The following NR2F1-AS1 variants were observed in gnomAD, a reference collection of about 807,000 sequenced individuals.
The protein encoded by NR2F1-AS1 is NR2F1 antisense RNA 1.
chr5:93,477,612 T>C (rs1750512395), intron 4 of NR2F1-AS1, among the ~76,000 whole-genome samples: 1 of 152,182 alleles, frequency 6.6e-6, no homozygotes, highest in Non-Finnish European at 1.5e-5. Context: ...TCTCTTCCAC[T>C]TTGCCACTTT....
rs562456690 is a variant in NR2F1-AS1 at position 93,507,340 on chromosome 5, G to A, written n.638+46421C>T. 1.6e-3 allele frequency among the ~76,000 whole-genome samples: 70 copies of A among 42,818 alleles called. 1 individual carries two copies. The highest frequency in any genetic ancestry group is 5.6e-3 in the Admixed American group (14 of 2,520). The allele number at this position is 42,818 out of a possible 152,430, so 28.1% of individuals were successfully genotyped here. A position where few individuals can be genotyped will look rare whatever the true frequency, so the allele number is the denominator to read the frequency against. ...TGGGATTTGGGGTTTTTTTTGTTTT[G>A]TTTTGTTTTGTTTTGTTTTGTTTTG... On this transcript the variant is annotated intron_variant and non_coding_transcript_variant, in intron 4 of 5. Transcript: ENST00000660523.
At chr5:93,479,614 A>G (rs1580261664) in intron 4 of NR2F1-AS1, among the ~76,000 whole-genome samples, 1 of 152,326 alleles carries the variant, frequency 6.6e-6, no homozygotes, top group East Asian at 1.9e-4. Flanking sequence ...AGTTCTCAAC[A>G]AAAAATTATG....
intron 1 of NR2F1-AS1, among the ~76,000 whole-genome samples, chr5:93,573,304 G>A (rs1020248571): frequency 6.6e-6 from 1 of 152,166 alleles, no homozygotes; most frequent in Admixed American, 6.5e-5. Flanking sequence ...ACCCCTTGTT[G>A]GTAAAGGCGA....
At chr5:93,483,309 T>A (rs1750641381) in intron 4 of NR2F1-AS1, among the ~76,000 whole-genome samples, 1 of 152,052 alleles carries the variant, frequency 6.6e-6, no homozygotes, top group Non-Finnish European at 1.5e-5. Context: ...GCAAACAGGG[T>A]CTGAAGCAGA....
intron 4 of NR2F1-AS1, among the ~76,000 whole-genome samples, chr5:93,471,358 T>C (rs1750360560): frequency 6.6e-6 from 1 of 151,864 alleles, no homozygotes. Context: ...TAAGGCAATA[T>C]TCAGAAATGC....
rs1432173826 is a variant in NR2F1-AS1 at position 93,505,762 on chromosome 5, G to A, written n.638+47999C>T. Reference sequence around the variant, plus strand: ...GGCTGCACACAGCATGGGGACCCTGGGCCTGGCCCCAAAACCACATTTTTC... The same window carrying A: ...GGCTGCACACAGCATGGGGACCCTGAGCCTGGCCCCAAAACCACATTTTTC... On this transcript the variant is annotated intron_variant and non_coding_transcript_variant, in intron 4 of 5. Coordinates refer to ENST00000660523, the Ensembl canonical transcript of NR2F1-AS1. Among the ~76,000 whole-genome samples, 5 of 152,156 alleles carry A rather than the reference G, an allele frequency of 3.3e-5. No homozygotes were observed. In the East Asian group the frequency reaches 7.7e-4, roughly 24 times the overall value.
At chr5:93,452,065 T>C (rs548504730) in intron 4 of NR2F1-AS1, among the ~76,000 whole-genome samples, 1 of 152,280 alleles carries the variant, frequency 6.6e-6, no homozygotes, top group East Asian at 1.9e-4. Flanking sequence ...ATTATAAAGA[T>C]AACTGAGAAC....
chr5:93,561,198 CG>C (rs1554072221), intron 2 of NR2F1-AS1, among the ~76,000 whole-genome samples: 1 of 151,662 alleles, frequency 6.6e-6, no homozygotes, highest in Non-Finnish European at 1.5e-5. Context: ...ACTTGAACCT[CG>C]GAGGCAGAGG....
intron 4 of NR2F1-AS1, among the ~76,000 whole-genome samples, chr5:93,419,306 A>G (rs958656774): frequency 2.6e-5 from 4 of 152,250 alleles, no homozygotes; most frequent in Non-Finnish European, 5.9e-5. Flanking sequence ...ATATATGTGT[A>G]CAAAGGGAAA....
At chr5:93,497,862 G>C (rs900955493) in intron 4 of NR2F1-AS1, among the ~76,000 whole-genome samples, 1 of 152,136 alleles carries the variant, frequency 6.6e-6, no homozygotes, top group Non-Finnish European at 1.5e-5. Flanking sequence ...GCCTAGAACT[G>C]CATGAATTCA....
At chr5:93,522,494 G>A (rs1751522436) in intron 4 of NR2F1-AS1, among the ~76,000 whole-genome samples, 1 of 152,182 alleles carries the variant, frequency 6.6e-6, no homozygotes, top group African/African-American at 2.4e-5. Context: ...ACAGTATGAT[G>A]GGCAATTTTT....
chr5:93,419,239 A>G (rs1355811676), intron 4 of NR2F1-AS1, among the ~76,000 whole-genome samples: 1 of 152,222 alleles, frequency 6.6e-6, no homozygotes, highest in Non-Finnish European at 1.5e-5. Context: ...AGGATGATGG[A>G]CAACATGTAT....
intron 4 of NR2F1-AS1, among the ~76,000 whole-genome samples, chr5:93,466,338 T>G (rs1397897336): frequency 1.3e-5 from 2 of 151,812 alleles, no homozygotes; most frequent in Non-Finnish European, 2.9e-5. Flanking sequence ...ATTCTTTTTT[T>G]TTTTTTTCTT....
chr5:93,466,913 G>GC (rs932947275), intron 4 of NR2F1-AS1, among the ~76,000 whole-genome samples: 11 of 132,086 alleles, frequency 8.3e-5, no homozygotes, highest in Non-Finnish European at 1.3e-4. Flanking sequence ...TTGGGGGGGG[G>GC]GGGGGTGGAC....
chr5:93,527,270 T>C (rs1580304485), intron 4 of NR2F1-AS1, among the ~76,000 whole-genome samples: 1 of 152,006 alleles, frequency 6.6e-6, no homozygotes, highest in Non-Finnish European at 1.5e-5. Context: ...ATAAAATACC[T>C]AGGAATACAA....
intron 4 of NR2F1-AS1, among the ~76,000 whole-genome samples, chr5:93,536,539 T>C (rs181964339): frequency 7.9e-5 from 12 of 152,178 alleles, no homozygotes; most frequent in Non-Finnish European, 1.3e-4. Flanking sequence ...CAAAATATAC[T>C]ACAAAGCTAT....
chr5:93,524,282 G>C (rs1048017790), intron 4 of NR2F1-AS1, among the ~76,000 whole-genome samples: 12 of 151,782 alleles, frequency 7.9e-5, no homozygotes, highest in African/African-American at 2.7e-4. Flanking sequence ...CTTAATGAAA[G>C]AAAGCATGAA....
In NR2F1-AS1 at chr5:93,558,293, CAG is replaced by C. The variant is rs1752407538; in HGVS notation, n.414-3300_414-3299del. On this transcript the variant is annotated intron_variant and non_coding_transcript_variant, in intron 2 of 5. Coordinates refer to ENST00000660523, the Ensembl canonical transcript of NR2F1-AS1. ...GCATCAGAGGAATCACTACGTATGG[CAG>C]CTATAGCCTTATAAAATGTATTTCT... is the stretch of plus-strand genomic sequence containing the variant. 2.0e-5 allele frequency among the ~76,000 whole-genome samples: 3 copies of C among 151,756 alleles called. No individual in the cohort carries two copies. The South Asian group carries it at 6.2e-4, about 31-fold the overall frequency.
intron 1 of NR2F1-AS1, among the ~76,000 whole-genome samples, chr5:93,574,044 T>C (rs531494806): frequency 3.3e-5 from 5 of 152,364 alleles, no homozygotes; most frequent in African/African-American, 9.6e-5. Context: ...GGAAAAGTCA[T>C]TTCAGCTCCA....
Sources: gnomAD v4.1 joint callset for allele counts (sites outside exome capture counted in the v4.1 genomes callset) on GRCh38, gnomAD v4.1.1 for gene constraint, MANE v1.5 for transcripts, NCBI Gene and HGNC (gene_info 2026-07-23, HGNC 2026-07-21) for gene names.